DPP6: variants seen among roughly 807,000 people sequenced by gnomAD.
DPP6 encodes the protein A-type potassium channel modulatory protein DPP6.
A neutral mutation model predicts 122.6 loss-of-function variants in DPP6; 69 were observed. The ratio of observed to expected loss-of-function variants is 0.56; its 90% CI spans 0.46 to 0.69. The LOEUF is 0.69. Among genes scored for constraint, DPP6 ranks in the 30% least tolerant of loss-of-function variants. DPP6 has a pLI of 0.00. For missense variants in DPP6, 928 were observed against 1,116.9 expected, an observed-to-expected ratio of 0.83 and a Z score of 2.41; for synonymous variants, 418 against 433.1, an observed-to-expected ratio of 0.97 and a Z score of 0.43.
chr7:154,868,142 G>A, intron 18 of DPP6, 49 bp downstream of exon 18: 1 of 1,552,078 alleles, frequency 6.4e-7, no homozygotes, highest in South Asian at 1.2e-5. Context: ...AAGAAAACGT[G>A]GGCTGTGACA....
chr7:153,862,291 A>G, the DPP6 span, among the ~76,000 whole-genome samples: 1 of 152,212 alleles, frequency 6.6e-6, no homozygotes, highest in Non-Finnish European at 1.5e-5. Flanking sequence ...CTACTGTGCT[A>G]CCAAAGTTCA....
chr7:153,758,519 C>T, the DPP6 span, among the ~76,000 whole-genome samples: 2 of 152,182 alleles, frequency 1.3e-5, no homozygotes, highest in Non-Finnish European at 2.9e-5. Context: ...TTCTCCCTAA[C>T]AATTCCACTA....
In DPP6 at chr7:154,179,936, T is replaced by C. The variant is rs559059594; in HGVS notation, c.243+126873T>C. On this transcript the variant is annotated intron_variant, in intron 1 of 25. Transcript: ENST00000377770. The stretch of plus-strand genomic sequence containing the variant: ...TAAGCTAAAAATGACCGACAATTCT[T>C]GGTTTACCAACAACCTCTTTTAAAA... 7.2e-5 allele frequency among the ~76,000 whole-genome samples: 11 copies of C among 152,334 alleles called. No homozygotes were observed. In the South Asian group the frequency reaches 2.1e-3, roughly 29 times the overall value.
chr7:154,017,735 A>T (rs1217996010), intron 1 of DPP6, among the ~76,000 whole-genome samples: 17 of 150,118 alleles, frequency 1.1e-4, no homozygotes, highest in Non-Finnish European at 1.8e-4. Flanking sequence ...AATAAAAAAA[A>T]AAAAAAGAAA....
chr7:154,749,007 T>C (rs1032771566), intron 8 of DPP6, among the ~76,000 whole-genome samples: 3 of 151,312 alleles, frequency 2.0e-5, no homozygotes, highest in African/African-American at 7.3e-5. Flanking sequence ...TGAGGGAGGA[T>C]AGGACGGGAC....
chr7:154,235,534 C>T (rs4397309), intron 1 of DPP6, among the ~76,000 whole-genome samples: 7,281 of 144,732 alleles, frequency 0.05, 915 homozygotes, highest in African/African-American at 0.13. Context: ...TAATTAAAAG[C>T]GTGAGCTTTG....
chr7:154,180,817 C>T (rs748196921), intron 1 of DPP6, among the ~76,000 whole-genome samples: 1 of 152,148 alleles, frequency 6.6e-6, no homozygotes, highest in African/African-American at 2.4e-5. Context: ...GTTTTCTCCA[C>T]AGTTTGTTTC....
chr7:153,864,497 A>T, the DPP6 span, among the ~76,000 whole-genome samples: 1 of 152,100 alleles, frequency 6.6e-6, no homozygotes, highest in African/African-American at 2.4e-5. Context: ...TCTACTAAAA[A>T]TACCAAAAAT....
Position 154,481,344 on chromosome 7 carries a change from G to GAT in DPP6, c.457+6307_457+6308insAT, listed in dbSNP as rs1554564216. 1.3e-4 allele frequency among the ~76,000 whole-genome samples: 4 copies of GAT among 30,804 alleles called. No homozygotes were observed. Among genetic ancestry groups the GAT allele is most frequent in the Non-Finnish European group, 5.1e-4 (4 of 7,804 alleles). 20.2% of individuals were successfully genotyped at this position (30,804 alleles called of 152,430 possible). A position where few individuals can be genotyped will look rare whatever the true frequency, so the allele number is the denominator to read the frequency against. On this transcript the variant is annotated intron_variant, in intron 3 of 25. Coordinates refer to ENST00000377770, the MANE Select transcript of DPP6 (RefSeq NM_130797.4). This position sits in a 1 kb window ranked among gnomAD's most constrained non-coding sequence, Gnocchi z 4.2. ...CTATACACTTGGAGAGAGAGAGAGA[G>GAT]GGGTGTGTGTGTGTGTGTGTGTGTG... is the stretch of plus-strand genomic sequence containing the variant.
At chr7:154,055,152 T>C (rs1254583594) in intron 1 of DPP6, among the ~76,000 whole-genome samples, 3 of 146,728 alleles carry the variant, frequency 2.0e-5, no homozygotes, top group Non-Finnish European at 4.5e-5. Context: ...TGTGTGTTTA[T>C]ATAGTGTACT....
intron 1 of DPP6, among the ~76,000 whole-genome samples, chr7:154,412,359 TC>T (rs1248556720): frequency 6.6e-6 from 1 of 152,158 alleles, no homozygotes; most frequent in African/African-American, 2.4e-5. Flanking sequence ...CAGCAAAGCT[TC>T]TCTGCTTGGC....
At chr7:154,061,930 T>A (rs1201448247) in intron 1 of DPP6, among the ~76,000 whole-genome samples, 1 of 121,384 alleles carries the variant, frequency 8.2e-6, no homozygotes, top group African/African-American at 3.2e-5. Context: ...AGGACCCCCA[T>A]CGCAGGAGGG....
intron 2 of DPP6, among the ~76,000 whole-genome samples, chr7:154,471,114 G>A (rs901471263): frequency 3.3e-5 from 5 of 152,072 alleles, no homozygotes; most frequent in East Asian, 1.9e-4. Flanking sequence ...AGCCGGGCTC[G>A]GTGGCAGGTG....
At chr7:154,302,406 GGT>G (rs766155284) in intron 1 of DPP6, among the ~76,000 whole-genome samples, 12 of 152,180 alleles carry the variant, frequency 7.9e-5, no homozygotes, top group Non-Finnish European at 1.6e-4. Flanking sequence ...TATGTAAAAA[GGT>G]GGGCAGCTGA....
At chr7:153,782,511 G>A in the DPP6 span, among the ~76,000 whole-genome samples, 2 of 152,176 alleles carry the variant, frequency 1.3e-5, no homozygotes, top group African/African-American at 2.4e-5. Flanking sequence ...TGAGACTTAA[G>A]CAGTTATGTG....
Position 154,889,706 on chromosome 7 carries a change from T to C in DPP6, c.2451+176T>C, listed in dbSNP as rs904073249. Reference sequence around the variant, plus strand: ...TCAGCACATGCTCAACGTTTTCTTATAATTAATGATAGCTCCGCTCTGTAC... The same window carrying C: ...TCAGCACATGCTCAACGTTTTCTTACAATTAATGATAGCTCCGCTCTGTAC... On this transcript the variant is annotated intron_variant, in intron 25 of 25. Coordinates refer to ENST00000377770, the MANE Select transcript of DPP6 (RefSeq NM_130797.4). 6 of 944,386 alleles carry C rather than the reference T, an allele frequency of 6.4e-6. No individual in the cohort carries two copies. The South Asian group carries it at 7.1e-5, about 11-fold the overall frequency. 58.5% of individuals were successfully genotyped at this position (944,386 alleles called of 1,614,324 possible).
rs551285818 is a variant in DPP6 at position 154,807,144 on chromosome 7, G to A, written c.1666+32G>A. The stretch of plus-strand genomic sequence containing the variant: ...TCCTGCCACCCCGTCAGGGCAAAGA[G>A]CCCTGGCAGGCACATTTGCAGGGAG... On this transcript the variant is annotated intron_variant, in intron 16 of 25. Transcript: ENST00000377770. 14 of 1,604,650 alleles carry A rather than the reference G, an allele frequency of 8.7e-6. No homozygotes were observed. The African/African-American group carries it at 1.3e-4, about 15-fold the overall frequency.
chr7:153,758,423 T>C, the DPP6 span, among the ~76,000 whole-genome samples: 1 of 152,046 alleles, frequency 6.6e-6, no homozygotes, highest in Non-Finnish European at 1.5e-5. Flanking sequence ...CGTGTGCACA[T>C]GTGCATACCC....
rs559862765 is a variant in DPP6, at chr7:154,615,668, C to T, written c.628-22153C>T. The stretch of plus-strand genomic sequence containing the variant: ...CTTTTCAACATTAAATACTGACTTC[C>T]CCTTCCCACTGTTACCATTCACAAT... On this transcript the variant is annotated intron_variant, in intron 5 of 25. Coordinates refer to ENST00000377770, the MANE Select transcript of DPP6 (RefSeq NM_130797.4). 4.6e-5 allele frequency among the ~76,000 whole-genome samples: 7 copies of T among 152,242 alleles called. No individual in the cohort carries two copies. In the East Asian group the frequency reaches 1.4e-3, roughly 29 times the overall value.
Sources: gnomAD v4.1 joint callset for allele counts (sites outside exome capture counted in the v4.1 genomes callset) on GRCh38, gnomAD v4.1.1 for gene constraint, Gnocchi (gnomAD v3.1) non-coding constraint, MANE v1.5 for transcripts, NCBI Gene and HGNC (gene_info 2026-07-23, HGNC 2026-07-21) for gene names.